Variants in PCDH15 observed in about 807,000 individuals in gnomAD.
The protein encoded by PCDH15 is protocadherin-15.
In PCDH15, 129 loss-of-function variants were observed where a neutral mutation model predicts 178.5. The ratio of observed to expected loss-of-function variants is 0.72; its 90% CI spans 0.63 to 0.84. PCDH15 has a LOEUF of 0.84. Ranked by LOEUF, PCDH15 falls within the 40% of genes least tolerant of loss-of-function variation. The pLI, the probability that PCDH15 is intolerant of heterozygous loss-of-function variation, is 0.00. For synonymous variants in PCDH15, 800 were observed against 732.0 expected, an observed-to-expected ratio of 1.09 and a Z score of -1.50; for missense variants, 2,230 against 2,099.9, an observed-to-expected ratio of 1.06 and a Z score of -1.21.
chr10:54,086,745 A>G (rs901299707), intron 16 of PCDH15, among the ~76,000 whole-genome samples: 1 of 152,168 alleles, frequency 6.6e-6, no homozygotes, highest in African/African-American at 2.4e-5. Context: ...GGATCACACA[A>G]CCATTATAGG....
At chr10:54,332,832 T>C (rs923118118) in intron 6 of PCDH15, among the ~76,000 whole-genome samples, 6 of 152,198 alleles carry the variant, frequency 3.9e-5, no homozygotes, top group African/African-American at 1.2e-4. Flanking sequence ...AGTGACTTTA[T>C]TGATCTTCAG....
At chr10:55,304,203 G>T (rs1383337472) in intron 1 of PCDH15, among the ~76,000 whole-genome samples, 1 of 151,966 alleles carries the variant, frequency 6.6e-6, no homozygotes, top group African/African-American at 2.4e-5. Context: ...AGGGCCTAAA[G>T]GTTTTCTGTC....
At chr10:54,370,380 G>A (rs74136133) in intron 4 of PCDH15, among the ~76,000 whole-genome samples, 248 of 151,726 alleles carry the variant, frequency 1.6e-3, no homozygotes, top group Middle Eastern at 0.01. Flanking sequence ...ATTTCTCACC[G>A]AAAATTTGGC....
chr10:55,587,057 T>G (rs1842738938), intron 2 of PCDH15, among the ~76,000 whole-genome samples: 1 of 152,122 alleles, frequency 6.6e-6, no homozygotes. Context: ...AAATTTGTTT[T>G]TAAGCTTTCT....
intron 3 of PCDH15, among the ~76,000 whole-genome samples, chr10:54,521,112 A>G (rs144956747): frequency 0.023 from 3,424 of 151,396 alleles, 122 homozygotes; most frequent in African/African-American, 0.078. Context: ...ACCTAATGCT[A>G]AATGATGAGT....
At chr10:54,350,719 A>G (rs1229213505) in intron 5 of PCDH15, among the ~76,000 whole-genome samples, 1 of 152,250 alleles carries the variant, frequency 6.6e-6, no homozygotes, top group African/African-American at 2.4e-5. Flanking sequence ...GCCATGGCTC[A>G]CACCTGTAAT....
chr10:54,692,671 A>G (rs1176447611), intron 1 of PCDH15, among the ~76,000 whole-genome samples: 2 of 11,946 alleles, frequency 1.7e-4, no homozygotes, highest in Admixed American at 1.5e-3. Context: ...TCCTTAAGCC[A>G]TTCTTAAACT....
intron 28 of PCDH15, among the ~76,000 whole-genome samples, chr10:53,841,352 T>G (rs932711023): frequency 2.0e-5 from 3 of 152,150 alleles, no homozygotes; most frequent in Admixed American, 1.3e-4. Context: ...GTAGACTCAA[T>G]GCTCTTTTCT....
In PCDH15 at chr10:54,204,739, T is replaced by C. The variant is rs190794499; in HGVS notation, c.1099-8850A>G. Among the ~76,000 whole-genome samples, 420 of 152,188 alleles carry C rather than the reference T, an allele frequency of 2.8e-3. 1 individual carries two copies. The highest frequency in any genetic ancestry group is 9.5e-3 in the African/African-American group (396 of 41,530). On this transcript the variant is annotated intron_variant, in intron 10 of 37. Coordinates refer to ENST00000644397, the MANE Select transcript of PCDH15 (RefSeq NM_001384140.1). ...ATAGCAGCTGCCCTAGGAAGTGACA[T>C]GGAAAACCAACATTATGAAGATACG...
At chr10:54,065,105 T>C (rs533740445) in intron 18 of PCDH15, among the ~76,000 whole-genome samples, 1 of 152,332 alleles carries the variant, frequency 6.6e-6, no homozygotes, top group Admixed American at 6.5e-5. Context: ...GCTGAGGGAA[T>C]TTGACTACTT....
At chr10:53,994,535 A>G (rs1182880004) in intron 21 of PCDH15, 1 of 152,170 alleles carries the variant, frequency 6.6e-6, no homozygotes, top group Admixed American at 6.5e-5. Context: ...TTTCAAAGTA[A>G]TTGTACATGT....
chr10:55,455,073 G>A (rs1399854206), intron 2 of PCDH15, among the ~76,000 whole-genome samples: 1 of 152,026 alleles, frequency 6.6e-6, no homozygotes, highest in Non-Finnish European at 1.5e-5. Context: ...AATGTTGTGT[G>A]TTGCGTGGTA....
At chr10:54,837,865 G>C (rs868178761) in intron 3 of PCDH15, among the ~76,000 whole-genome samples, 9 of 152,030 alleles carry the variant, frequency 5.9e-5, no homozygotes, top group African/African-American at 1.7e-4. Context: ...CTGTAGTCCT[G>C]GCTACAGACC....
At chr10:55,478,611 C>T (rs1840109336) in intron 2 of PCDH15, among the ~76,000 whole-genome samples, 1 of 149,830 alleles carries the variant, frequency 6.7e-6, no homozygotes. Context: ...AACAACAAAC[C>T]AAACACAAAA....
At position 54,490,221 on chromosome 10, in the gene PCDH15, C is replaced by T. The variant is rs193063236; in HGVS notation, c.157+37591G>A. ...ATCCCAGCACTTTGGGAGGCTGAGG[C>T]GGGCGAATCACGAGGTCAGGAGATC... On this transcript the variant is annotated intron_variant, in intron 3 of 37. Transcript: ENST00000644397. Among the ~76,000 whole-genome samples, 127 of 152,150 alleles carry T rather than the reference C, an allele frequency of 8.3e-4. 1 individual carries two copies. In the East Asian group the frequency reaches 0.022, roughly 26 times the overall value.
intron 7 of PCDH15, among the ~76,000 whole-genome samples, 153 bp from the exon 8 acceptor site, chr10:54,317,594 G>A (rs1000725739): frequency 7.9e-5 from 12 of 152,050 alleles, no homozygotes; most frequent in African/African-American, 2.7e-4. Flanking sequence ...GGCAAACATG[G>A]TGAAACCCCG....
intron 2 of PCDH15, among the ~76,000 whole-genome samples, chr10:54,555,591 G>A (rs1269077461): frequency 6.6e-6 from 1 of 151,300 alleles, no homozygotes; most frequent in African/African-American, 2.4e-5. Context: ...AAAAAAATTG[G>A]CCGGGTGTGG....
chr10:54,698,263 T>C (rs568619500), intron 1 of PCDH15, among the ~76,000 whole-genome samples: 7 of 152,260 alleles, frequency 4.6e-5, no homozygotes, highest in Admixed American at 1.3e-4. Flanking sequence ...ATTTGAAGTA[T>C]TGGAATTAAA....
At chr10:54,307,595 A>T (rs2060636535) in intron 8 of PCDH15, among the ~76,000 whole-genome samples, 1 of 151,976 alleles carries the variant, frequency 6.6e-6, no homozygotes, top group Non-Finnish European at 1.5e-5. Context: ...ACCTTGTGGC[A>T]TTTGGCATCT....
Sources: allele counts gnomAD v4.1 joint callset (sites outside exome capture counted in the v4.1 genomes callset), GRCh38; gene constraint gnomAD v4.1.1; transcripts MANE v1.5; gene names NCBI Gene and HGNC (gene_info 2026-07-23, HGNC 2026-07-21).